GPC3: variants seen among roughly 807,000 people sequenced by gnomAD.
GPC3 encodes glypican-3.
Under a neutral mutation model 34.4 loss-of-function variants are expected in GPC3, and 3 were observed. That is an observed-to-expected ratio of 0.09 (90% CI 0.04 to 0.23). The LOEUF (loss-of-function observed/expected upper bound fraction) is 0.23. GPC3 is among the 10% of genes least tolerant of loss of function. GPC3 has a pLI of 1.00. For missense variants in GPC3, 351 were observed against 445.6 expected (o/e 0.79, Z 1.91); for synonymous variants, 177 against 174.0 (o/e 1.02, Z -0.13).
intron 3 of GPC3, among the ~76,000 whole-genome samples, chrX:133,739,559 A>G (rs535513447): frequency 1.8e-5 from 2 of 111,576 alleles, no homozygotes; most frequent in Admixed American, 1.9e-4. Context: ...AGAAATTCAC[A>G]GTCTGGCCAG....
intron 2 of GPC3, among the ~76,000 whole-genome samples, chrX:133,947,314 C>A (rs2076373144): frequency 1.8e-5 from 2 of 111,558 alleles, no homozygotes; most frequent in Admixed American, 9.5e-5. Flanking sequence ...AGTTCAGGAC[C>A]TTGTTCAATC....
Position 133,801,815 on chromosome X carries a change from C to G in GPC3, c.338-47639G>C, listed in dbSNP as rs183384709. Among the ~76,000 whole-genome samples the G allele has an allele frequency of 9.6e-4, 108 of 112,350 alleles. 1 individual carries two copies. Among genetic ancestry groups the G allele is most frequent in the African/African-American group, 3.4e-3 (104 of 30,991 alleles). ...TCAAATGAACTTCACTAATAGGTCT[C>G]TTAAGCTTTTGTTTTTTATGTGTTG... On this transcript the variant is annotated intron_variant, in intron 2 of 7. Transcript: ENST00000370818.
intron 5 of GPC3, among the ~76,000 whole-genome samples, chrX:133,683,578 C>G (rs1278940002): frequency 8.9e-6 from 1 of 111,990 alleles, no homozygotes; most frequent in Non-Finnish European, 1.9e-5. Context: ...TAATAGGACA[C>G]AATCTGCTTA....
chrX:133,981,260 CTGTTTACT>C (rs919910925), intron 1 of GPC3, among the ~76,000 whole-genome samples: 5 of 111,721 alleles, frequency 4.5e-5, no homozygotes, highest in African/African-American at 1.6e-4. Context: ...CCTGGGAAGC[CTGTTTACT>C]TGTATGCTTC....
At chrX:133,660,700 T>G (rs1421754239) in intron 6 of GPC3, among the ~76,000 whole-genome samples, 1 of 111,952 alleles carries the variant, frequency 8.9e-6, no homozygotes, top group African/African-American at 3.3e-5. Flanking sequence ...ACCCAATAAC[T>G]TTAGCATGTT....
At chrX:133,824,092 A>T (rs749399695) in intron 2 of GPC3, among the ~76,000 whole-genome samples, 2 of 111,344 alleles carry the variant, frequency 1.8e-5, no homozygotes, top group East Asian at 2.8e-4. Flanking sequence ...TAGCCAAAAA[A>T]ATAAAAAGGA....
chrX:133,792,436 G>C (rs892033214), intron 2 of GPC3, among the ~76,000 whole-genome samples: 1 of 111,646 alleles, frequency 9.0e-6, no homozygotes, highest in African/African-American at 3.3e-5. Flanking sequence ...TAAGCCCCAA[G>C]ATCCTTCCCT....
At chrX:133,576,673 A>G (rs1397963616) in intron 7 of GPC3, among the ~76,000 whole-genome samples, 1 of 111,168 alleles carries the variant, frequency 9.0e-6, no homozygotes, top group African/African-American at 3.3e-5. Context: ...TAATCAGATG[A>G]TGAATTTCAA....
chrX:133,733,858 A>G (rs1276993780), intron 3 of GPC3, among the ~76,000 whole-genome samples: 1 of 112,175 alleles, frequency 8.9e-6, no homozygotes, highest in Non-Finnish European at 1.9e-5. Context: ...GAAATAAAAA[A>G]TTAGAATAAT....
chrX:133,593,354 T>TAAAAAAAAAAAAAAAAAAAAAAAAGGA (rs1186766438), intron 7 of GPC3, among the ~76,000 whole-genome samples: 1 of 47,719 alleles, frequency 2.1e-5, no homozygotes, highest in Non-Finnish European at 3.9e-5. Flanking sequence ...AAAAAAAAAG[T>TAAAAAAAAAAAAAAAAAAAAAAAAGGA]AAAAAAAAAA....
intron 7 of GPC3, among the ~76,000 whole-genome samples, chrX:133,574,349 GAAAA>G (rs756970000): frequency 8.2e-4 from 89 of 108,724 alleles, no homozygotes; most frequent in Admixed American, 2.5e-3. Context: ...AAGCTATTGA[GAAAA>G]AAAGAGAGAG....
At chrX:133,780,539 A>T (rs1453708985) in intron 2 of GPC3, among the ~76,000 whole-genome samples, 1 of 111,604 alleles carries the variant, frequency 9.0e-6, no homozygotes, top group Non-Finnish European at 1.9e-5. Flanking sequence ...GGAAGCCTGG[A>T]CCTGAGCTAA....
chrX:133,671,408 C>A, intron 5 of GPC3: 1 of 496,102 alleles, frequency 2.0e-6, no homozygotes, highest in Admixed American at 3.2e-5. Flanking sequence ...ATGTTATCTG[C>A]GGCCATTGTG....
chrX:133,558,276 G>T (rs2069508636), intron 7 of GPC3, among the ~76,000 whole-genome samples: 1 of 89,387 alleles, frequency 1.1e-5, no homozygotes, highest in Admixed American at 1.4e-4. Context: ...AGTTTAGGAG[G>T]CTCCCTTTTC....
At position 133,692,435 on chromosome X, in the gene GPC3, A is replaced by G. The variant is rs2071073649; in HGVS notation, c.1226T>C (p.Ile409Thr). Residue 409 changes from isoleucine (I) to threonine (T), a missense_variant, in exon 5 of 8, where the codon ATC (isoleucine) becomes ACC (threonine). Coordinates refer to ENST00000370818, the MANE Select transcript of GPC3 (RefSeq NM_004484.4). Reference sequence around the variant, plus strand: ...TTCCGCCACAGGGCTATGGCTGCAGATGTAGCCAGGCAAAGCACTATAGAA... The same window carrying G: ...TTCCGCCACAGGGCTATGGCTGCAGGTGTAGCCAGGCAAAGCACTATAGAA... ...ISFYSALPGY[I>T]CSHSPVAEND... The G allele has an allele frequency of 8.3e-7, 1 of 1,199,183 alleles. No individual in the cohort carries two copies.
intron 2 of GPC3, among the ~76,000 whole-genome samples, chrX:133,890,224 A>G (rs1421755830): frequency 8.9e-6 from 1 of 112,038 alleles, no homozygotes; most frequent in Non-Finnish European, 1.9e-5. Context: ...GTATTCTATC[A>G]TATAGGTGTC....
intron 2 of GPC3, among the ~76,000 whole-genome samples, chrX:133,826,220 C>T (rs1456987347): frequency 2.7e-5 from 3 of 111,693 alleles, no homozygotes; most frequent in African/African-American, 9.8e-5. Context: ...ATTAGACATA[C>T]TGGACAAAGA....
At chrX:133,567,247 G>A (rs766259348) in intron 7 of GPC3, among the ~76,000 whole-genome samples, 6 of 112,156 alleles carry the variant, frequency 5.3e-5, no homozygotes, top group Non-Finnish European at 1.1e-4. Flanking sequence ...TCAAGGTTAA[G>A]GAAGATGTAT....
At chrX:133,681,882 C>A (rs149035231) in intron 5 of GPC3, among the ~76,000 whole-genome samples, 1,637 of 111,834 alleles carry the variant, frequency 0.015, 26 homozygotes, top group African/African-American at 0.05. Flanking sequence ...CAGAGGTGTT[C>A]TGATGAAGTG....
Sources: gnomAD v4.1 joint callset for allele counts (sites outside exome capture counted in the v4.1 genomes callset) on GRCh38, gnomAD v4.1.1 for gene constraint, MANE v1.5 for transcripts, NCBI Gene and HGNC (gene_info 2026-07-23, HGNC 2026-07-21) for gene names.